CDKN3: variants seen among roughly 807,000 people sequenced by gnomAD.
CDKN3 encodes the protein cyclin-dependent kinase inhibitor 3.
CDKN3 carries 19 observed loss-of-function variants against 36.1 expected under a neutral mutation model. That is an observed-to-expected ratio of 0.53 (90% CI 0.37 to 0.77). The LOEUF is 0.77. Among genes scored for constraint, CDKN3 ranks in the 30% least tolerant of loss-of-function variants. The pLI is 0.00. For synonymous variants in CDKN3, 71 were observed against 85.3 expected, an observed-to-expected ratio of 0.83 and a Z score of 0.92; for missense variants, 188 against 248.6, an observed-to-expected ratio of 0.76 and a Z score of 1.64.
chr14:54,407,221 C>T (rs983512047), intron 3 of CDKN3, among the ~76,000 whole-genome samples: 6 of 152,200 alleles, frequency 3.9e-5, no homozygotes, highest in East Asian at 3.9e-4. Flanking sequence ...CTGGAAGTTT[C>T]GTCCCAGAGG....
intron 3 of CDKN3, among the ~76,000 whole-genome samples, chr14:54,404,777 C>T (rs1030748053): frequency 6.6e-6 from 1 of 151,000 alleles, no homozygotes; most frequent in Admixed American, 6.6e-5. Context: ...GGGGTTTCAC[C>T]GTGTTAGCCA....
At chr14:54,399,425 T>C (rs989919548) in intron 1 of CDKN3, among the ~76,000 whole-genome samples, 3 of 152,252 alleles carry the variant, frequency 2.0e-5, no homozygotes, top group East Asian at 1.9e-4. Context: ...TCAGCACTTA[T>C]ATAATACCTT....
chr14:54,411,721 C>G lies in CDKN3; in HGVS notation c.416+15C>G. The G allele has an allele frequency of 6.9e-7, 1 of 1,449,510 alleles. No individual in the cohort carries two copies. Among genetic ancestry groups the G allele is most frequent in the Non-Finnish European group, 9.7e-7 (1 of 1,031,146 alleles). The allele number at this position is 1,449,510 out of a possible 1,614,324, so 89.8% of individuals were successfully genotyped here. ...ACCTTAATACAGTACGTTCTTTTCT[C>G]CATACACTATGTGAGAAATGTCTCA... On this transcript the variant is annotated intron_variant, in intron 5 of 7. Transcript: ENST00000335183.
In CDKN3 at chr14:54,410,775, A is replaced by G. The variant is rs542233033; in HGVS notation, c.194-709A>G. Reference sequence around the variant, plus strand: ...TTGATTTTGTGAGAAAAAGAAAAAAAGTGCTATCATCCTTAATTGAACATA... The same window carrying G: ...TTGATTTTGTGAGAAAAAGAAAAAAGGTGCTATCATCCTTAATTGAACATA... On this transcript the variant is annotated intron_variant, in intron 4 of 7. Coordinates refer to ENST00000335183, the MANE Select transcript of CDKN3 (RefSeq NM_005192.4). 1.0e-3 allele frequency among the ~76,000 whole-genome samples: 153 copies of G among 152,270 alleles called. 1 individual carries two copies. Among genetic ancestry groups the G allele is most frequent in the African/African-American group, 3.6e-3 (150 of 41,564 alleles).
chr14:54,419,756 A>G (rs750568352), intron 7 of CDKN3, among the ~76,000 whole-genome samples: 6 of 152,342 alleles, frequency 3.9e-5, no homozygotes, highest in Non-Finnish European at 7.4e-5. Flanking sequence ...AAACATATCC[A>G]TCTACATTTC....
At position 54,399,909 on chromosome 14, in the gene CDKN3, A is replaced by G. The variant is rs776916015; in HGVS notation, c.25A>G (p.Thr9Ala). MKPPSSIQ[T>A]SEFDSSDEEP... ...TCTTTTGAAGCCCAGTTCAATACAA[A>G]CAAGTGAGTTTGACTCATCAGATGA... Residue 9 changes from threonine to alanine, a missense_variant, in exon 2 of 8, where the codon ACA becomes GCA. Physicochemically the swap from Thr to Ala is moderately conservative, Grantham distance 58 (BLOSUM62 0). Coordinates refer to ENST00000335183, the MANE Select transcript of CDKN3 (RefSeq NM_005192.4). The G allele has an allele frequency of 1.3e-5, 21 of 1,572,248 alleles. 1 individual carries two copies. The Admixed American group carries it at 1.5e-4, about 11-fold the overall frequency.
intron 5 of CDKN3, among the ~76,000 whole-genome samples, chr14:54,415,388 T>A (rs937015730): frequency 1.3e-5 from 2 of 152,266 alleles, no homozygotes; most frequent in Non-Finnish European, 2.9e-5. Flanking sequence ...AGAGATTAAA[T>A]AACTTGCTTA....
intron 3 of CDKN3, among the ~76,000 whole-genome samples, chr14:54,404,307 C>A (rs1396745414): frequency 6.6e-6 from 1 of 152,080 alleles, no homozygotes; most frequent in Non-Finnish European, 1.5e-5. Context: ...GGAATTTATC[C>A]ATTTCTTCTA....
chr14:54,411,664 A>T lies in CDKN3; in HGVS notation c.374A>T (p.Glu125Val). The T allele has an allele frequency of 6.2e-7, 1 of 1,613,902 alleles. No homozygotes were observed. Among genetic ancestry groups the T allele is most frequent in the Non-Finnish European group, 8.5e-7 (1 of 1,179,818 alleles). The change falls in exon 5 of 8, where the codon GAG (glutamate) becomes GTG (valine). Residue 125 changes from glutamate to valine, a missense_variant. Physicochemically the swap from Glu to Val is moderately radical, Grantham distance 121. Coordinates refer to ENST00000335183, the MANE Select transcript of CDKN3 (RefSeq NM_005192.4). ...DIASCCEIMEELTTCLKNYRK... is the reference protein window; with the variant it reads ...DIASCCEIMEVLTTCLKNYRK... Reference sequence around the variant, plus strand: ...GCCAGCTGCTGTGAAATAATGGAAGAGCTTACAACCTGCCTTAAAAATTAC... The same window carrying T: ...GCCAGCTGCTGTGAAATAATGGAAGTGCTTACAACCTGCCTTAAAAATTAC...
At chr14:54,402,541 C>A (rs1406955660) in intron 3 of CDKN3, among the ~76,000 whole-genome samples, 2 of 152,148 alleles carry the variant, frequency 1.3e-5, no homozygotes, top group Admixed American at 1.3e-4. Context: ...TGTGCAGAAG[C>A]TCTTTAGTTT....
At chr14:54,409,996 C>T (rs746473050) in intron 4 of CDKN3, among the ~76,000 whole-genome samples, 13 of 152,022 alleles carry the variant, frequency 8.6e-5, no homozygotes, top group Non-Finnish European at 1.8e-4. Context: ...TTAGACACAC[C>T]CACCATGCTA....
intron 6 of CDKN3, among the ~76,000 whole-genome samples, chr14:54,417,369 C>A (rs2030585964): frequency 6.6e-6 from 1 of 152,172 alleles, no homozygotes; most frequent in Admixed American, 6.5e-5. Context: ...GAACCCTGAA[C>A]ACATTATGCT....
chr14:54,398,420 C>A (rs546214019), intron 1 of CDKN3, among the ~76,000 whole-genome samples: 1 of 152,166 alleles, frequency 6.6e-6, no homozygotes, highest in Admixed American at 6.5e-5. Context: ...TGCCTGCCTG[C>A]AGAAGGTGCT....
At chr14:54,400,230 TACTC>T (rs1434381994) in intron 2 of CDKN3, among the ~76,000 whole-genome samples, 7 of 58,870 alleles carry the variant, frequency 1.2e-4, no homozygotes, top group Non-Finnish European at 2.6e-4. Context: ...ATGATTCATT[TACTC>T]TTTATAAGAC....
At chr14:54,397,380 G>A (rs1886338745) in intron 1 of CDKN3, among the ~76,000 whole-genome samples, 1 of 152,244 alleles carries the variant, frequency 6.6e-6, no homozygotes, top group African/African-American at 2.4e-5. Flanking sequence ...GCCGAGCCTC[G>A]TTGTACCGAG....
At chr14:54,408,453 T>C (rs1008557835) in intron 3 of CDKN3, 3 of 300,552 alleles carry the variant, frequency 1.0e-5, no homozygotes, top group African/African-American at 2.3e-5. Context: ...GCCCTACACT[T>C]GTACTTTGCC....
chr14:54,406,658 G>A (rs940183746), intron 3 of CDKN3, among the ~76,000 whole-genome samples: 2 of 151,698 alleles, frequency 1.3e-5, no homozygotes, highest in African/African-American at 4.8e-5. Flanking sequence ...TATGCATCAC[G>A]AAGTTCTCCT....
In CDKN3 at chr14:54,419,656, G is replaced by A. The variant is rs533434175; in HGVS notation, c.553-336G>A. 1.5e-3 allele frequency among the ~76,000 whole-genome samples: 232 copies of A among 152,206 alleles called. 1 individual carries two copies. The highest frequency in any genetic ancestry group is 5.5e-3 in the African/African-American group (227 of 41,544). ...AAAGTGCTCTGTCCTTCTTACCAGG[G>A]GGGAAAAATGTTAGCAAAAATAATG... On this transcript the variant is annotated intron_variant, in intron 7 of 7. Coordinates refer to ENST00000335183, the MANE Select transcript of CDKN3 (RefSeq NM_005192.4).
intron 2 of CDKN3, 23 bp from the exon 3 acceptor site, chr14:54,401,501 T>G (rs769344620): frequency 1.7e-5 from 27 of 1,580,236 alleles, no homozygotes; most frequent in Non-Finnish European, 2.3e-5. Context: ...TAACTAAACA[T>G]GAAAAATTTT....
Sources: gnomAD v4.1 joint callset for allele counts (sites outside exome capture counted in the v4.1 genomes callset) on GRCh38, gnomAD v4.1.1 for gene constraint, MANE v1.5 for transcripts, NCBI Gene and HGNC (gene_info 2026-07-23, HGNC 2026-07-21) for gene names.